Variants in DIP2C observed in about 807,000 individuals in gnomAD.
The protein encoded by DIP2C is disco-interacting protein 2 homolog C.
In DIP2C, 33 loss-of-function variants were observed where a neutral mutation model predicts 192.4. The observed-to-expected ratio is 0.17, with a 90% CI of 0.13 to 0.23. The LOEUF is 0.23. DIP2C is among the 10% of genes least tolerant of loss of function. DIP2C has a pLI of 1.00. For synonymous variants in DIP2C, 979 were observed against 864.1 expected, an observed-to-expected ratio of 1.13 and a Z score of -2.33; for missense variants, 1,537 against 2,110.1, an observed-to-expected ratio of 0.73 and a Z score of 5.32.
rs537543061 is a variant in DIP2C, at chr10:363,351, C to T, written c.2478-40G>A. 233 of 1,570,750 alleles carry T rather than the reference C, an allele frequency of 1.5e-4. 2 individuals carry two copies. In the South Asian group the frequency reaches 2.4e-3, roughly 16 times the overall value. On this transcript the variant is annotated intron_variant, in intron 20 of 36. Transcript: ENST00000280886. This position sits in a 1 kb window ranked among gnomAD's most constrained non-coding sequence, Gnocchi z 5.4. ...GAGCATGGTGAGCACGCGCCGGGGA[C>T]GCTCATGCAGCCCTCCCTCCGCCAT...
chr10:685,759 C>G, intron 1 of DIP2C, among the ~76,000 whole-genome samples: 1 of 152,032 alleles, frequency 6.6e-6, no homozygotes, highest in South Asian at 2.1e-4. Context: ...GTAAAGAGTT[C>G]GAGACCAGCC....
chr10:446,070 G>A (rs1179835541), intron 3 of DIP2C, among the ~76,000 whole-genome samples: 6 of 151,848 alleles, frequency 4.0e-5, no homozygotes, highest in African/African-American at 9.7e-5. Flanking sequence ...AGGCCCACTG[G>A]GCATCTGTAT....
In DIP2C at chr10:689,612, C is replaced by T. The variant is rs1831471789; in HGVS notation, c.-34G>A. ...GGCGCCGCGCCCCGCACGGCCTCCT[C>T]TTTGTTCGCAGGCGGAGGTCTCGGC... On this transcript the variant is annotated 5_prime_UTR_variant, in exon 1 of 37. Transcript: ENST00000280886. This position sits in a 1 kb window ranked among gnomAD's most constrained non-coding sequence, Gnocchi z 6.1. 2 of 1,103,000 alleles carry T rather than the reference C, an allele frequency of 1.8e-6. No individual in the cohort carries two copies. Among genetic ancestry groups the T allele is most frequent in the African/African-American group, 1.7e-5 (1 of 59,166 alleles). The allele number at this position is 1,103,000 out of a possible 1,614,324, so 68.3% of individuals were successfully genotyped here.
intron 33 of DIP2C, among the ~76,000 whole-genome samples, chr10:286,710 G>A (rs1466429194): frequency 6.6e-6 from 1 of 152,126 alleles, no homozygotes. Context: ...GCCTGACCTT[G>A]AAAAATGGGA....
At chr10:454,906 A>G (rs1316207948) in intron 3 of DIP2C, among the ~76,000 whole-genome samples, 3 of 152,328 alleles carry the variant, frequency 2.0e-5, no homozygotes, top group African/African-American at 4.8e-5. Context: ...ATGTATATCC[A>G]CAGCTTTAAA....
chr10:541,472 C>CCA lies in DIP2C; in HGVS notation c.86-54944_86-54943dup, dbSNP rs199734035. Among the ~76,000 whole-genome samples the CCA allele has an allele frequency of 5.9e-3, 858 of 145,014 alleles. 8 individuals carry two copies. Among genetic ancestry groups the CCA allele is most frequent in the African/African-American group, 0.021 (807 of 38,896 alleles). ...CTCCTGGACCCCCCCGAGTGACCCT[C>CCA]CACCCCCATATCTCTCCTGGATCCC... On this transcript the variant is annotated intron_variant, in intron 1 of 36. Transcript: ENST00000280886.
chr10:306,775 G>A (rs1956344338), intron 32 of DIP2C, among the ~76,000 whole-genome samples: 1 of 152,216 alleles, frequency 6.6e-6, no homozygotes, highest in Non-Finnish European at 1.5e-5. Context: ...AGCTGCCGGA[G>A]CTCATAGTGA....
At chr10:501,524 A>AATT (rs1462336095) in intron 1 of DIP2C, among the ~76,000 whole-genome samples, 2 of 152,104 alleles carry the variant, frequency 1.3e-5, no homozygotes, top group Non-Finnish European at 2.9e-5. Flanking sequence ...ATATTACCCC[A>AATT]ATTATAGAGG....
intron 28 of DIP2C, among the ~76,000 whole-genome samples, chr10:342,529 G>A (rs972782133): frequency 6.6e-6 from 1 of 152,162 alleles, no homozygotes; most frequent in Non-Finnish European, 1.5e-5. Context: ...TCTGCTGGTC[G>A]AGGCCCTGTC....
chr10:296,995 A>C (rs929296429), intron 32 of DIP2C, among the ~76,000 whole-genome samples: 2 of 151,816 alleles, frequency 1.3e-5, no homozygotes, highest in Non-Finnish European at 1.5e-5. Context: ...TATGTAACAA[A>C]CCTGCACGTT....
chr10:400,708 G>A (rs1387636746), intron 9 of DIP2C, among the ~76,000 whole-genome samples: 11 of 150,560 alleles, frequency 7.3e-5, no homozygotes. Context: ...CATGAATCCT[G>A]TGATTTTACA....
intron 2 of DIP2C, among the ~76,000 whole-genome samples, chr10:481,141 G>A (rs761681495): frequency 3.9e-5 from 6 of 152,168 alleles, no homozygotes; most frequent in Non-Finnish European, 8.8e-5. Flanking sequence ...GACCCACTGC[G>A]CACCTGCCCC....
Position 666,621 on chromosome 10 carries a change from GCC to G in DIP2C, c.85+22871_85+22872del, listed in dbSNP as rs1857115919. ...TGGCCTGTCTGCCCGTGGCCTGTCT[GCC>G]CGTGGCCTGTCTGCCCGTGGCCTGT... On this transcript the variant is annotated intron_variant, in intron 1 of 36. Transcript: ENST00000280886. The surrounding 1 kb of genome is among the most constrained non-coding windows in gnomAD (Gnocchi z 4.1). The G allele has an allele frequency of 7.8e-5, 1 of 12,824 alleles. No individual in the cohort carries two copies. Among genetic ancestry groups the G allele is most frequent in the Non-Finnish European group, 4.8e-4 (1 of 2,094 alleles). 0.8% of individuals were successfully genotyped at this position (12,824 alleles called of 1,614,324 possible).
chr10:434,533 A>C (rs1286646659), intron 4 of DIP2C, among the ~76,000 whole-genome samples: 1 of 152,128 alleles, frequency 6.6e-6, no homozygotes, highest in East Asian at 1.9e-4. Flanking sequence ...TTGGCCTCCC[A>C]GAGTGTTAGG....
At chr10:450,732 C>A (rs1968782367) in intron 3 of DIP2C, among the ~76,000 whole-genome samples, 1 of 152,130 alleles carries the variant, frequency 6.6e-6, no homozygotes. Context: ...ACTTCCTTCC[C>A]AGAAGAGCTT....
intron 3 of DIP2C, among the ~76,000 whole-genome samples, chr10:467,528 TA>T (rs1206466475): frequency 0.07 from 1,140 of 16,302 alleles, 13 homozygotes; most frequent in African/African-American, 0.099. Flanking sequence ...ACTTAAAGTA[TA>T]AAAAAAAAAT....
intron 29 of DIP2C, among the ~76,000 whole-genome samples, chr10:337,986 G>A (rs1469195275): frequency 5.3e-5 from 8 of 151,700 alleles, no homozygotes; most frequent in Non-Finnish European, 1.0e-4. Context: ...GTGTGTTGTA[G>A]AGGCCTAGGA....
chr10:628,866 C>T (rs1402687491), intron 1 of DIP2C: 1 of 152,494 alleles, frequency 6.6e-6, no homozygotes, highest in African/African-American at 2.4e-5. Flanking sequence ...CTGACACTCC[C>T]CACCAGATGC....
rs199752163 is a variant in DIP2C, at chr10:286,379, G to A, written c.4045-32C>T. Reference sequence around the variant, plus strand: ...GGGAGAGGAAAAGTCTCTTGTCAATGGGAGGAATACAGGGAGAGACTACAC... The same window carrying A: ...GGGAGAGGAAAAGTCTCTTGTCAATAGGAGGAATACAGGGAGAGACTACAC... On this transcript the variant is annotated intron_variant, in intron 33 of 36. Coordinates refer to ENST00000280886, the MANE Select transcript of DIP2C (RefSeq NM_014974.3). 33 of 1,594,266 alleles carry A rather than the reference G, an allele frequency of 2.1e-5. No homozygotes were observed. The African/African-American group carries it at 4.3e-4, about 21-fold the overall frequency.
Sources: allele counts gnomAD v4.1 joint callset (sites outside exome capture counted in the v4.1 genomes callset), GRCh38; gene constraint gnomAD v4.1.1; non-coding constraint Gnocchi (gnomAD v3.1); transcripts MANE v1.5; gene names NCBI Gene and HGNC (gene_info 2026-07-23, HGNC 2026-07-21).